The following BOLL variants were observed in gnomAD, a reference collection of about 807,000 sequenced individuals.
The protein encoded by BOLL is protein boule-like.
In BOLL, 23 loss-of-function variants were observed where a neutral mutation model predicts 44.4. The ratio of observed to expected loss-of-function variants is 0.52; its 90% CI spans 0.37 to 0.73. BOLL has a LOEUF of 0.73. BOLL is among the 30% of genes least tolerant of loss of function. BOLL has a pLI of 0.00. For synonymous variants in BOLL, 97 were observed against 110.8 expected, an observed-to-expected ratio of 0.88 and a Z score of 0.78; for missense variants, 287 against 338.3, an observed-to-expected ratio of 0.85 and a Z score of 1.19.
At chr2:197,777,012 A>G in intron 4 of BOLL, 47 bp downstream of exon 4, 1 of 1,420,512 alleles carries the variant, frequency 7.0e-7, no homozygotes, top group South Asian at 1.3e-5. Flanking sequence ...ATTAGTTTCA[A>G]ATACAAAATT....
chr2:197,728,605 C>T, intron 10 of BOLL, 27 bp from the exon 11 acceptor site: 2 of 1,491,400 alleles, frequency 1.3e-6, no homozygotes, highest in Non-Finnish European at 1.9e-6. Flanking sequence ...AAATATAGAT[C>T]AGGAAGACTG....
chr2:197,767,719 G>T (rs915150043), intron 6 of BOLL, among the ~76,000 whole-genome samples: 1 of 151,890 alleles, frequency 6.6e-6, no homozygotes, highest in African/African-American at 2.4e-5. Context: ...CAGTGCACAG[G>T]ACAGACCTTC....
At chr2:197,742,916 C>T in intron 10 of BOLL, 145 bp downstream of exon 10, 1 of 428,208 alleles carries the variant, frequency 2.3e-6, no homozygotes, top group East Asian at 3.8e-5. Flanking sequence ...AATTATATTT[C>T]CTTCACATGA....
intron 9 of BOLL, among the ~76,000 whole-genome samples, chr2:197,751,583 A>G (rs1688255213): frequency 1.3e-5 from 2 of 152,184 alleles, no homozygotes; most frequent in Non-Finnish European, 2.9e-5. Flanking sequence ...CACCCTCCCA[A>G]TACTAATCCA....
At chr2:197,741,668 G>A (rs1192919162) in intron 10 of BOLL, among the ~76,000 whole-genome samples, 1 of 151,838 alleles carries the variant, frequency 6.6e-6, no homozygotes, top group Admixed American at 6.6e-5. Flanking sequence ...AATTCAAGAT[G>A]GATTAAAGAC....
intron 10 of BOLL, among the ~76,000 whole-genome samples, chr2:197,729,907 TCTC>T (rs1386569141): frequency 6.6e-6 from 1 of 152,002 alleles, no homozygotes; most frequent in Non-Finnish European, 1.5e-5. Context: ...GCAGAGTGTC[TCTC>T]CTCCTCCAAA....
chr2:197,742,679 G>T (rs1687805798), intron 10 of BOLL, among the ~76,000 whole-genome samples: 1 of 152,026 alleles, frequency 6.6e-6, no homozygotes, highest in Admixed American at 6.6e-5. Context: ...TGGGGGGAGT[G>T]GGGAGGGATA....
At chr2:197,742,035 T>C in intron 10 of BOLL, among the ~76,000 whole-genome samples, 1 of 152,192 alleles carries the variant, frequency 6.6e-6, no homozygotes, top group Non-Finnish European at 1.5e-5. Context: ...AAAGAAGACA[T>C]TTATGCAGCC....
chr2:197,772,019 C>T (rs551056616), intron 5 of BOLL, 37 bp from the exon 6 acceptor site: 1 of 1,475,210 alleles, frequency 6.8e-7, no homozygotes, highest in Non-Finnish European at 9.2e-7. Flanking sequence ...TTGAAATGTT[C>T]AATTTAACTG....
intron 8 of BOLL, 59 bp from the exon 9 acceptor site, chr2:197,756,615 A>G (rs1688526295): frequency 1.4e-6 from 2 of 1,465,620 alleles, no homozygotes; most frequent in Non-Finnish European, 1.8e-6. Flanking sequence ...GTTAAACCAA[A>G]TGACTTAGCC....
chr2:197,786,027 G>C (rs1287291351), upstream of BOLL: 2 of 1,609,752 alleles, frequency 1.2e-6, no homozygotes, highest in East Asian at 2.2e-5. The surrounding 1 kb of genome is among the most constrained non-coding windows in gnomAD (Gnocchi z 5.9). Flanking sequence ...CTTCAGAGAC[G>C]CGGGGTAGGG....
upstream of BOLL, chr2:197,785,918 A>T: frequency 7.4e-7 from 1 of 1,349,038 alleles, no homozygotes; most frequent in Non-Finnish European, 1.1e-6. This position sits in a 1 kb window ranked among gnomAD's most constrained non-coding sequence, Gnocchi z 6.7. Context: ...GCCCTCAGGG[A>T]CAGGCTCCAC....
At chr2:197,779,161 T>C (rs1689654156) in intron 2 of BOLL, 95 bp from the exon 3 acceptor site, 2 of 882,244 alleles carry the variant, frequency 2.3e-6, no homozygotes, top group East Asian at 2.6e-5. Flanking sequence ...AAGTTATAGA[T>C]AAGATGCATG....
At chr2:197,757,299 C>A in intron 8 of BOLL, 54 bp downstream of exon 8, 1 of 1,489,722 alleles carries the variant, frequency 6.7e-7, no homozygotes, top group South Asian at 1.2e-5. Context: ...GCAGTCATCA[C>A]AAGAATATAA....
chr2:197,743,320 AATGAATTAACTT>A (rs1408441300), intron 9 of BOLL, among the ~76,000 whole-genome samples, 161 bp from the exon 10 acceptor site: 3 of 152,244 alleles, frequency 2.0e-5, no homozygotes, highest in South Asian at 2.1e-4. Flanking sequence ...GAGTTAATAT[AATGAATTAACTT>A]ATGAATTAAC....
intron 10 of BOLL, among the ~76,000 whole-genome samples, chr2:197,732,510 AAG>A (rs1376043742): frequency 6.6e-6 from 1 of 152,128 alleles, no homozygotes; most frequent in Non-Finnish European, 1.5e-5. Context: ...ACAACAAAAA[AAG>A]AGAATTTTAG....
chr2:197,756,045 T>C (rs939487699), intron 9 of BOLL: 2 of 152,420 alleles, frequency 1.3e-5, no homozygotes, highest in African/African-American at 2.4e-5. Context: ...TTTACATTTT[T>C]GTAGGAAGAA....
At chr2:197,770,116 G>A (rs1449742968) in intron 6 of BOLL, among the ~76,000 whole-genome samples, 1 of 152,196 alleles carries the variant, frequency 6.6e-6, no homozygotes, top group Non-Finnish European at 1.5e-5. Flanking sequence ...CAAGGCTACA[G>A]TAACCAAAAC....
At chr2:197,766,681 C>G in intron 6 of BOLL, 78 bp from the exon 7 acceptor site, 1 of 1,042,128 alleles carries the variant, frequency 9.6e-7, no homozygotes, top group South Asian at 1.5e-5. Flanking sequence ...CAAATTATTA[C>G]CTAAACCCAG....
Sources: gnomAD v4.1 joint callset for allele counts (sites outside exome capture counted in the v4.1 genomes callset) on GRCh38, gnomAD v4.1.1 for gene constraint, Gnocchi (gnomAD v3.1) non-coding constraint, MANE v1.5 for transcripts, NCBI Gene and HGNC (gene_info 2026-07-23, HGNC 2026-07-21) for gene names.